Variants in ISM2 observed in about 807,000 individuals in gnomAD.
The protein encoded by ISM2 is isthmin-2.
Under a neutral mutation model 58.0 loss-of-function variants are expected in ISM2, and 50 were observed. The observed-to-expected ratio is 0.86, with a 90% confidence interval of 0.69 to 1.09. ISM2 has a LOEUF of 1.09. ISM2 is among the 50% of genes least tolerant of loss of function. The pLI is 0.00. For missense variants in ISM2, 723 were observed against 745.0 expected, an observed-to-expected ratio of 0.97 and a Z score of 0.34; for synonymous variants, 303 against 312.4, an observed-to-expected ratio of 0.97 and a Z score of 0.32.
chr14:77,482,236 G>A (rs1275093914), intron 4 of ISM2, 86 bp downstream of exon 4: 1 of 989,516 alleles, frequency 1.0e-6, no homozygotes, highest in Non-Finnish European at 1.5e-6. Context: ...GTCTTGCCTG[G>A]GAAGCCTCCA....
intron 1 of ISM2, among the ~76,000 whole-genome samples, chr14:77,486,124 TG>T (rs1441016597): frequency 6.6e-6 from 1 of 152,232 alleles, no homozygotes; most frequent in African/African-American, 2.4e-5. Flanking sequence ...TGCCTGAGGT[TG>T]CACAGACATT....
At chr14:77,498,621 G>A in intron 1 of ISM2, 32 bp downstream of exon 1, 1 of 1,411,438 alleles carries the variant, frequency 7.1e-7, no homozygotes, top group Non-Finnish European at 9.2e-7. Flanking sequence ...GACCGACAGC[G>A]CGCTCCGCAG....
At chr14:77,477,931 C>T (rs1423053448) in intron 6 of ISM2, among the ~76,000 whole-genome samples, 1 of 152,138 alleles carries the variant, frequency 6.6e-6, no homozygotes, top group Non-Finnish European at 1.5e-5. Flanking sequence ...CCAAGAGTAA[C>T]CAAGGAATGG....
At chr14:77,488,296 G>T (rs1234927257) in intron 1 of ISM2, among the ~76,000 whole-genome samples, 1 of 152,324 alleles carries the variant, frequency 6.6e-6, no homozygotes. Flanking sequence ...GGCTATGGAG[G>T]CTCAGGGAGG....
Position 77,475,620 on chromosome 14 carries a change from T to C in ISM2, c.1691A>G (p.Gln564Arg), listed in dbSNP as rs139128555. 3 of 1,591,420 alleles carry C rather than the reference T, an allele frequency of 1.9e-6. No homozygotes were observed. The African/African-American group carries it at 4.0e-5, about 21-fold the overall frequency. Residue 564 changes from glutamine (Q) to arginine (R), a missense_variant, in exon 7 of 7, where the codon CAG (glutamine) becomes CGG (arginine). Transcript: ENST00000342219. The surrounding 1 kb of genome is among the most constrained non-coding windows in gnomAD (Gnocchi z 4.1). ...CTAGTACTCCTTGGCCTCCTGCAAC[T>C]GTGCTAGGTACTCCTCCTCCAGGGG... ...DNPLEEEYLAQLQEAKEY is the reference protein window; with the variant it reads ...DNPLEEEYLARLQEAKEY
At chr14:77,477,722 C>T (rs2079106870) in intron 6 of ISM2, among the ~76,000 whole-genome samples, 1 of 152,190 alleles carries the variant, frequency 6.6e-6, no homozygotes, top group Non-Finnish European at 1.5e-5. Context: ...GTGCTGAGTG[C>T]AACCCTTATC....
At chr14:77,497,020 T>G (rs1437631752) in intron 1 of ISM2, among the ~76,000 whole-genome samples, 2 of 151,406 alleles carry the variant, frequency 1.3e-5, no homozygotes, top group East Asian at 3.9e-4. Flanking sequence ...ACTCACTCAC[T>G]CACAATCTCC....
At chr14:77,489,890 G>T (rs1322340310) in intron 1 of ISM2, among the ~76,000 whole-genome samples, 1 of 152,180 alleles carries the variant, frequency 6.6e-6, no homozygotes, top group African/African-American at 2.4e-5. Flanking sequence ...TTGAGATGGA[G>T]TCTTGCTCTG....
chr14:77,475,583 G>GC lies in ISM2; in HGVS notation c.*11dup, dbSNP rs758750477. 2.6e-6 allele frequency: 4 copies of GC among 1,542,006 alleles called. No homozygotes were observed. The highest frequency in any genetic ancestry group is 2.6e-6 in the Non-Finnish European group (3 of 1,142,080). ...GCCCTCTCCCTGCAGTGTCTGTTCA[G>GC]CAACCCCGTCACTAGTACTCCTTGG... On this transcript the variant is annotated 3_prime_UTR_variant, in exon 7 of 7. Coordinates refer to ENST00000342219, the MANE Select transcript of ISM2 (RefSeq NM_199296.3). The surrounding 1 kb of genome is among the most constrained non-coding windows in gnomAD (Gnocchi z 4.1).
Position 77,498,755 on chromosome 14 carries a change from G to T in ISM2, c.39C>A (p.Cys13Ter). The T allele has an allele frequency of 6.8e-7, 1 of 1,479,242 alleles. No individual in the cohort carries two copies. The highest frequency in any genetic ancestry group is 1.3e-5 in the South Asian group (1 of 78,512). 91.6% of individuals were successfully genotyped at this position (1,479,242 alleles called of 1,614,324 possible). A position where few individuals can be genotyped will look rare whatever the true frequency, so the allele number is the denominator to read the frequency against. The change falls in exon 1 of 7, where the codon TGC becomes TGA. Residue 13 changes from cysteine (C) to a stop codon, truncating the protein, a stop_gained. Transcript: ENST00000342219. LOFTEE classifies it high-confidence loss of function. ...ALRDRAGLLL[C>*]VLLLAALLEA... Reference sequence around the variant, plus strand: ...CCAGCAGCGCCGCCAGCAGCAGCACGCAGAGGAGGAGCCCGGCTCGGTCGC... The same window carrying T: ...CCAGCAGCGCCGCCAGCAGCAGCACTCAGAGGAGGAGCCCGGCTCGGTCGC...
chr14:77,491,268 AG>A (rs2079202126), intron 1 of ISM2, among the ~76,000 whole-genome samples: 1 of 152,172 alleles, frequency 6.6e-6, no homozygotes, highest in East Asian at 1.9e-4. Flanking sequence ...ACCCTCAACA[AG>A]CGCTTCTTTC....
chr14:77,498,790 G>T lies in ISM2; in HGVS notation c.4C>A (p.Arg2Ser). 2.1e-6 allele frequency: 3 copies of T among 1,440,236 alleles called. No individual in the cohort carries two copies. The South Asian group carries it at 4.2e-5, about 20-fold the overall frequency. The allele number at this position is 1,440,236 out of a possible 1,614,324, so 89.2% of individuals were successfully genotyped here. A position where few individuals can be genotyped will look rare whatever the true frequency, so the allele number is the denominator to read the frequency against. M[R>S]ALRDRAGLLL... ...AGCCCGGCTCGGTCGCGGAGCGCAC[G>T]CATCGTCTCGGTTCCGAGGCTGCTC... Residue 2 changes from arginine to serine, a missense_variant, in exon 1 of 7, where the codon CGT becomes AGT. Physicochemically the swap from Arg to Ser is moderately radical, Grantham distance 110. Transcript: ENST00000342219.
intron 1 of ISM2, among the ~76,000 whole-genome samples, chr14:77,486,282 A>C (rs930283498): frequency 3.3e-5 from 5 of 151,862 alleles, no homozygotes; most frequent in African/African-American, 1.2e-4. Flanking sequence ...TTTTTTCTTG[A>C]AAGTTTGGAA....
rs2079111595 is a variant in ISM2 at position 77,478,434 on chromosome 14, T to C, written c.1115-109A>G. Reference sequence around the variant, plus strand: ...CTCTCAGTGCCCACAGCAGCCAAAATAGGCCTGGGACAAGGCAGGACCACC... The same window carrying C: ...CTCTCAGTGCCCACAGCAGCCAAAACAGGCCTGGGACAAGGCAGGACCACC... On this transcript the variant is annotated intron_variant, in intron 5 of 6. Coordinates refer to ENST00000342219, the MANE Select transcript of ISM2 (RefSeq NM_199296.3). 2.1e-6 allele frequency: 3 copies of C among 1,431,666 alleles called. No individual in the cohort carries two copies. The East Asian group carries it at 6.9e-5, about 33-fold the overall frequency. 88.7% of individuals were successfully genotyped at this position (1,431,666 alleles called of 1,614,324 possible).
chr14:77,478,182 C>G (rs962529602), intron 6 of ISM2, 60 bp downstream of exon 6: 102 of 1,381,014 alleles, frequency 7.4e-5, no homozygotes, highest in Non-Finnish European at 9.9e-5. Context: ...AATAATACCC[C>G]ACCCTCCCCT....
Position 77,496,799 on chromosome 14 carries a change from G to GAAAAAAAAAAAAA in ISM2, c.141+1841_141+1853dup, listed in dbSNP as rs772342344. ...GTGACAGAGTGAGACTCCATCTCAG[G>GAAAAAAAAAAAAA]AAAAAAAAAAAAAAAAAAAAAAAAA... On this transcript the variant is annotated intron_variant, in intron 1 of 6. Transcript: ENST00000342219. Among the ~76,000 whole-genome samples, 2 of 25,788 alleles carry GAAAAAAAAAAAAA rather than the reference G, an allele frequency of 7.8e-5. 1 individual carries two copies. The highest frequency in any genetic ancestry group is 3.7e-4 in the African/African-American group (2 of 5,454). 16.9% of individuals were successfully genotyped at this position (25,788 alleles called of 152,430 possible).
chr14:77,482,202 C>T, intron 4 of ISM2, 120 bp downstream of exon 4: 1 of 674,936 alleles, frequency 1.5e-6, no homozygotes, highest in Admixed American at 2.6e-5. Flanking sequence ...TTGAACAAGG[C>T]CTAAGCTCCT....
chr14:77,478,270 G>A lies in ISM2; in HGVS notation c.1170C>T (p.Ala390=), dbSNP rs745524171. 1.9e-6 allele frequency: 3 copies of A among 1,614,026 alleles called. No individual in the cohort carries two copies. The highest frequency in any genetic ancestry group is 2.5e-6 in the Non-Finnish European group (3 of 1,180,008). The change falls in exon 6 of 7, where the codon GCC becomes GCT. Residue 390 remains alanine, a synonymous_variant. Coordinates refer to ENST00000342219, the MANE Select transcript of ISM2 (RefSeq NM_199296.3). The part of the protein sequence containing the change: ...GLPSEEWKLL[A]RNATDMHDQD... ...GATCATGCATGTCCGTAGCATTGCG[G>A]GCCAGGAGCTTCCACTCCTCACTGG...
chr14:77,478,094 C>T, intron 6 of ISM2, 148 bp downstream of exon 6: 1 of 695,944 alleles, frequency 1.4e-6, no homozygotes. Flanking sequence ...ATGCCAGGGC[C>T]CCCTGTTGGA....
Sources: gnomAD v4.1 joint callset for allele counts (sites outside exome capture counted in the v4.1 genomes callset) on GRCh38, gnomAD v4.1.1 for gene constraint, Gnocchi (gnomAD v3.1) non-coding constraint, MANE v1.5 for transcripts, NCBI Gene and HGNC (gene_info 2026-07-23, HGNC 2026-07-21) for gene names.